The following MYO19 variants were observed in gnomAD, a reference collection of about 807,000 sequenced individuals.
MYO19 encodes the protein myosin XIX.
Under a neutral mutation model 129.2 loss-of-function variants are expected in MYO19, and 132 were observed. The ratio of observed to expected loss-of-function variants is 1.02; its 90% CI spans 0.89 to 1.18. The LOEUF is 1.18. Ranked by LOEUF, MYO19 falls within the 50% of genes most tolerant of loss-of-function variation. MYO19 has a pLI of 0.00. For synonymous variants in MYO19, 531 were observed against 477.2 expected (o/e 1.11, Z -1.47); for missense variants, 1,210 against 1,216.7 (o/e 0.99, Z 0.08).
At position 36,513,471 on chromosome 17, in the gene MYO19, G is replaced by A. The variant is rs923790373; in HGVS notation, c.852C>T (p.Leu284=). The part of the protein sequence containing the change: ...DCFEVTREAM[L]HLGIDTPTQN... ...GGGTAGGGGTGTCAATGCCCAAATG[G>A]AGCATGGCCTCTCTGGTCACCTCAA... The change falls in exon 11 of 26, where the codon CTC becomes CTT. Residue 284 remains leucine, a synonymous_variant. Coordinates refer to ENST00000614623, the MANE Select transcript of MYO19 (RefSeq NM_001163735.2). 1 of 1,614,028 alleles carries A rather than the reference G, an allele frequency of 6.2e-7. No individual in the cohort carries two copies. Among genetic ancestry groups the A allele is most frequent in the African/African-American group, 1.3e-5 (1 of 75,056 alleles).
At chr17:36,524,430 A>C (rs2073338149) in intron 6 of MYO19, among the ~76,000 whole-genome samples, 1 of 152,196 alleles carries the variant, frequency 6.6e-6, no homozygotes. Context: ...CATGAAGGTA[A>C]AAGTGTTGTG....
Position 36,506,571 on chromosome 17 carries a change from T to G in MYO19, c.1682A>C (p.Gln561Pro). Residue 561 changes from glutamine to proline, a missense_variant, in exon 18 of 26, where the codon CAA (glutamine) becomes CCA (proline). Transcript: ENST00000614623. The part of the protein sequence containing the change: ...IPPELTRLLQ[Q>P]SQDPLLMGLF... ...CCCCATGAGCAGGGGGTCCTGGGAT[T>G]GCTGCAGGAGCCTGGTCAGCTCAGG... is the stretch of plus-strand genomic sequence containing the variant. 1 of 1,568,006 alleles carries G rather than the reference T, an allele frequency of 6.4e-7. No individual in the cohort carries two copies. The highest frequency in any genetic ancestry group is 8.6e-7 in the Non-Finnish European group (1 of 1,162,130).
rs980075392 is a variant in MYO19, at chr17:36,518,709, G to A, written c.415-2719C>T. Among the ~76,000 whole-genome samples the A allele has an allele frequency of 2.0e-5, 3 of 150,208 alleles. No individual in the cohort carries two copies. The South Asian group carries it at 6.3e-4, about 32-fold the overall frequency. On this transcript the variant is annotated intron_variant, in intron 6 of 25. Coordinates refer to ENST00000614623, the MANE Select transcript of MYO19 (RefSeq NM_001163735.2). ...ATTAAAATGCTGAATTTAATCAAAG[G>A]CAATAAAAAAAGGAACTAAGATCAC...
chr17:36,505,890 T>C (rs998311732), intron 18 of MYO19, among the ~76,000 whole-genome samples: 1 of 151,926 alleles, frequency 6.6e-6, no homozygotes, highest in African/African-American at 2.4e-5. Flanking sequence ...TGAGGCTGGG[T>C]AGGAAGGTGC....
intron 6 of MYO19, among the ~76,000 whole-genome samples, chr17:36,517,802 A>G (rs933133700): frequency 2.0e-5 from 3 of 151,974 alleles, no homozygotes; most frequent in Non-Finnish European, 4.4e-5. Flanking sequence ...TAAATAAGGT[A>G]ATGACGCCAG....
upstream of MYO19, among the ~76,000 whole-genome samples, chr17:36,539,656 A>C (rs1366080553): frequency 6.6e-6 from 1 of 152,168 alleles, no homozygotes; most frequent in Admixed American, 6.5e-5. Context: ...TTATACACAT[A>C]ATAATTACGA....
At chr17:36,512,588 C>T (rs1386948278) in intron 11 of MYO19, 1 of 1,263,720 alleles carries the variant, frequency 7.9e-7, no homozygotes, top group Non-Finnish European at 1.0e-6. Flanking sequence ...AGCACTCCTG[C>T]CCCGACTCCC....
Position 36,503,962 on chromosome 17 carries a change from C to A in MYO19, c.1964G>T (p.Gly655Val). Residue 655 changes from glycine (G) to valine (V), a missense_variant, in exon 20 of 26, where the codon GGC becomes GTC. Transcript: ENST00000614623. The part of the protein sequence containing the change: ...LVETIHISAA[G>V]FPIRVSHRNF... Reference sequence around the variant, plus strand: ...CGAGCCCACTCACCGGATGGGGAAGCCAGCAGCACTGATATGGATGGTCTC... The same window carrying A: ...CGAGCCCACTCACCGGATGGGGAAGACAGCAGCACTGATATGGATGGTCTC... The A allele has an allele frequency of 6.3e-7, 1 of 1,591,912 alleles. No individual in the cohort carries two copies. Among genetic ancestry groups the A allele is most frequent in the Non-Finnish European group, 8.5e-7 (1 of 1,170,336 alleles).
intron 6 of MYO19, among the ~76,000 whole-genome samples, chr17:36,516,618 C>T (rs1251500112): frequency 6.6e-6 from 1 of 152,116 alleles, no homozygotes; most frequent in East Asian, 1.9e-4. Flanking sequence ...AATCTGCCCA[C>T]CTTGGCCTCC....
At chr17:36,505,009 G>A (rs2071781297) in intron 19 of MYO19, 3 of 583,364 alleles carry the variant, frequency 5.1e-6, no homozygotes, top group African/African-American at 3.6e-5. Context: ...AGCTAATCAC[G>A]AGACACCCAT....
rs755712788 is a variant in MYO19 at position 36,507,431 on chromosome 17, TTCC to T, written c.1432_1434del (p.Gly478del). Reference sequence around the variant, plus strand: ...ATGAGGGAGCAGATGCTGATGGGGCTTCCCTCAATGAGATCCAAACAGGGCTGG... The same window carrying T: ...ATGAGGGAGCAGATGCTGATGGGGCTCTCAATGAGATCCAAACAGGGCTGG... On this transcript the variant is annotated inframe_deletion, in exon 16 of 26. Transcript: ENST00000614623. 8 of 1,613,550 alleles carry T rather than the reference TTCC, an allele frequency of 5.0e-6. No individual in the cohort carries two copies. In the Admixed American group the frequency reaches 1.2e-4, roughly 24 times the overall value.
rs747684117 is a variant in MYO19, at chr17:36,500,858, C to A, written c.2349G>T (p.Gln783His). 1 of 1,604,308 alleles carries A rather than the reference C, an allele frequency of 6.2e-7. No individual in the cohort carries two copies. The highest frequency in any genetic ancestry group is 1.1e-5 in the South Asian group (1 of 90,884). The change falls in exon 23 of 26, where the codon CAG becomes CAT. Residue 783 changes from glutamine (Q) to histidine (H), a missense_variant. Gln to His is a conservative substitution (Grantham distance 24, BLOSUM62 0). Transcript: ENST00000614623. ...CCTGGATGAGCATGACGGCCCGCCA[C>A]TGCCGCTCCTGCTCTCGGTGCCGGT... ...RRHRHREQER[Q>H]WRAVMLIQAA... is the part of the protein sequence containing the mutation.
At position 36,532,687 on chromosome 17, in the gene MYO19, G is replaced by A. The variant is rs1386070166; in HGVS notation, c.-143-6C>T. On this transcript the variant is annotated splice_polypyrimidine_tract_variant and splice_region_variant and intron_variant, in intron 2 of 25. Coordinates refer to ENST00000614623, the MANE Select transcript of MYO19 (RefSeq NM_001163735.2). ...CAGACAAGTCACTCCAGCGCCTGTG[G>A]CATGAGAGAGAAGACAAGGACCACA... The A allele has an allele frequency of 1.1e-6, 1 of 915,850 alleles. No individual in the cohort carries two copies. Among genetic ancestry groups the A allele is most frequent in the African/African-American group, 1.7e-5 (1 of 60,380 alleles). 56.7% of individuals were successfully genotyped at this position (915,850 alleles called of 1,614,324 possible).
intron 20 of MYO19, among the ~76,000 whole-genome samples, 157 bp downstream of exon 20, chr17:36,503,793 T>C (rs1311252096): frequency 6.6e-6 from 1 of 152,238 alleles, no homozygotes; most frequent in Admixed American, 6.5e-5. Context: ...GATGAACGAA[T>C]GGGTGCTGCT....
chr17:36,540,351 T>G (rs2074190588), intron 2 of MYO19, among the ~76,000 whole-genome samples: 1 of 151,114 alleles, frequency 6.6e-6, no homozygotes. Context: ...TGGCCTATAA[T>G]GACGTTTAAT....
chr17:36,507,230 G>A lies in MYO19; in HGVS notation c.1468-91C>T. The A allele has an allele frequency of 2.0e-6, 3 of 1,526,922 alleles. No individual in the cohort carries two copies. The Admixed American group carries it at 5.5e-5, about 28-fold the overall frequency. 94.6% of individuals were successfully genotyped at this position (1,526,922 alleles called of 1,614,324 possible). ...CCACCCTGTGGACCCCATGACAGCA[G>A]ACATCACACAGGCATCATAGTGTCC... On this transcript the variant is annotated intron_variant, in intron 16 of 25. Coordinates refer to ENST00000614623, the MANE Select transcript of MYO19 (RefSeq NM_001163735.2).
At chr17:36,544,209 G>GCA (rs746746502), upstream of MYO19, among the ~76,000 whole-genome samples, 4 of 152,014 alleles carry the variant, frequency 2.6e-5, no homozygotes, top group East Asian at 3.9e-4. Flanking sequence ...TGGCCAAGAC[G>GCA]CACACACACA....
Position 36,509,123 on chromosome 17 carries a change from C to G in MYO19, c.1170G>C (p.Trp390Cys). ...AKLIYARLFDWLVSVINSSIC... is the reference protein window; with the variant it reads ...AKLIYARLFDCLVSVINSSIC... ...TGCTGCTGTTGATCACTGATACCAG[C>G]CAGTCAAACAACCTGTTGGGGGAAG... The change falls in exon 14 of 26, where the codon TGG (tryptophan) becomes TGC (cysteine). Residue 390 changes from tryptophan to cysteine, a missense_variant. Trp to Cys is a radical substitution (Grantham distance 215, BLOSUM62 -2). Coordinates refer to ENST00000614623, the MANE Select transcript of MYO19 (RefSeq NM_001163735.2). 6.2e-7 allele frequency: 1 copy of G among 1,613,768 alleles called. No homozygotes were observed. Among genetic ancestry groups the G allele is most frequent in the Middle Eastern group, 1.6e-4 (1 of 6,062 alleles).
chr17:36,506,331 GACC>G, intron 18 of MYO19, 122 bp downstream of exon 18: 1 of 1,159,844 alleles, frequency 8.6e-7, no homozygotes, highest in Non-Finnish European at 1.3e-6. Context: ...AGGGGACTGG[GACC>G]ACATCTACTT....
Sources: gnomAD v4.1 joint callset for allele counts (sites outside exome capture counted in the v4.1 genomes callset) on GRCh38, gnomAD v4.1.1 for gene constraint, MANE v1.5 for transcripts, NCBI Gene and HGNC (gene_info 2026-07-23, HGNC 2026-07-21) for gene names.